GALNT10: variants seen among roughly 807,000 people sequenced by gnomAD.
The protein encoded by GALNT10 is polypeptide N-acetylgalactosaminyltransferase 10.
Under a neutral mutation model 75.0 loss-of-function variants are expected in GALNT10, and 41 were observed. The observed-to-expected ratio is 0.55, with a 90% confidence interval of 0.43 to 0.71. GALNT10 has a LOEUF of 0.71. Among genes scored for constraint, GALNT10 ranks in the 30% least tolerant of loss-of-function variants. GALNT10 has a pLI of 0.00. For missense variants in GALNT10, 727 were observed against 818.5 expected, an observed-to-expected ratio of 0.89 and a Z score of 1.36; for synonymous variants, 302 against 313.0, an observed-to-expected ratio of 0.96 and a Z score of 0.37.
chr5:154,252,018 C>A (rs1343813323), intron 1 of GALNT10, among the ~76,000 whole-genome samples: 1 of 152,000 alleles, frequency 6.6e-6, no homozygotes, highest in Non-Finnish European at 1.5e-5. Flanking sequence ...TTCTTTATAG[C>A]AAGAGCCCTG....
intron 1 of GALNT10, among the ~76,000 whole-genome samples, chr5:154,293,609 A>ATTTTTTTTTTTTTTTTTTTTTTTTT (rs1466080479): frequency 8.1e-6 from 1 of 122,706 alleles, no homozygotes; most frequent in Non-Finnish European, 1.8e-5. Flanking sequence ...ATATATATAT[A>ATTTTTTTTTTTTTTTTTTTTTTTTT]TATATTTTTT....
intron 2 of GALNT10, among the ~76,000 whole-genome samples, chr5:154,295,939 A>G (rs1466993472): frequency 6.6e-6 from 1 of 152,156 alleles, no homozygotes; most frequent in Non-Finnish European, 1.5e-5. Flanking sequence ...ACCACTATTG[A>G]TTTTTTAAAG....
At chr5:154,234,653 T>C (rs6880803) in intron 1 of GALNT10, among the ~76,000 whole-genome samples, 95,210 of 152,142 alleles carry the variant, frequency 0.63, 30,578 homozygotes, top group East Asian at 0.84. Context: ...TTGAGTCTGG[T>C]GTCAGGATCA....
intron 1 of GALNT10, among the ~76,000 whole-genome samples, chr5:154,264,313 CAAAAAA>C (rs372645621): frequency 9.5e-6 from 1 of 105,214 alleles, no homozygotes; most frequent in African/African-American, 3.5e-5. Flanking sequence ...ACTCTGTCTC[CAAAAAA>C]AAAAAAAAAA....
intron 4 of GALNT10, among the ~76,000 whole-genome samples, chr5:154,339,757 G>A (rs937799842): frequency 2.0e-5 from 3 of 152,156 alleles, no homozygotes; most frequent in Admixed American, 6.5e-5. Context: ...GGTAAATCAC[G>A]GATATTCTCC....
chr5:154,356,106 A>T (rs759837878), intron 4 of GALNT10: 23 of 455,904 alleles, frequency 5.0e-5, no homozygotes, highest in Non-Finnish European at 8.8e-5. Context: ...TCTTCAGTGG[A>T]ATCAGAAAGG....
rs199506177 is a variant in GALNT10, at chr5:154,355,190, TG to T, written c.569-21086del. ...GCCCTCCCAAGGTCAGGCCTGACAT[TG>T]CTAGGAGACAGAGGCACGGGGCCCC... On this transcript the variant is annotated intron_variant, in intron 4 of 11. Coordinates refer to ENST00000297107, the MANE Select transcript of GALNT10 (RefSeq NM_198321.4). Among the ~76,000 whole-genome samples the T allele has an allele frequency of 9.4e-3, 1,427 of 152,304 alleles. 31 individuals carry two copies. The highest frequency in any genetic ancestry group is 0.033 in the African/African-American group (1,352 of 41,562).
chr5:154,389,990 TAA>T (rs1196109676), intron 7 of GALNT10, among the ~76,000 whole-genome samples: 1 of 152,094 alleles, frequency 6.6e-6, no homozygotes, highest in African/African-American at 2.4e-5. Flanking sequence ...AAGAAAAGGC[TAA>T]AAAACACACT....
chr5:154,283,051 C>A (rs532827415), intron 1 of GALNT10, among the ~76,000 whole-genome samples: 11 of 152,214 alleles, frequency 7.2e-5, no homozygotes, highest in African/African-American at 2.6e-4. Context: ...GCATTCATAG[C>A]AGTTTGCTGT....
At chr5:154,345,545 A>G (rs971264512) in intron 4 of GALNT10, among the ~76,000 whole-genome samples, 7 of 145,266 alleles carry the variant, frequency 4.8e-5, no homozygotes, top group African/African-American at 1.8e-4. Flanking sequence ...ATCATGCGGT[A>G]TTTATCTTGT....
intron 4 of GALNT10, among the ~76,000 whole-genome samples, chr5:154,337,311 T>C (rs1205448069): frequency 1.3e-5 from 2 of 152,222 alleles, no homozygotes; most frequent in Admixed American, 1.3e-4. Context: ...TTTTTGCCCA[T>C]ACACATGAAT....
intron 1 of GALNT10, among the ~76,000 whole-genome samples, chr5:154,256,673 TTCACATATTCTTCAAACACTG>T (rs1311068474): frequency 6.6e-6 from 1 of 152,132 alleles, no homozygotes; most frequent in Non-Finnish European, 1.5e-5. Flanking sequence ...AAATGTTTGG[TTCACATATTCTTCAAACACTG>T]TCACAGTGTT....
At chr5:154,307,142 G>A (rs34552089) in intron 3 of GALNT10, among the ~76,000 whole-genome samples, 64,272 of 151,968 alleles carry the variant, frequency 0.42, 14,194 homozygotes, top group African/African-American at 0.49. Flanking sequence ...TAACAGCTTC[G>A]CTGAAATGAC....
At chr5:154,299,914 A>G (rs931298353) in intron 3 of GALNT10, among the ~76,000 whole-genome samples, 2 of 150,232 alleles carry the variant, frequency 1.3e-5, no homozygotes, top group Non-Finnish European at 2.9e-5. Context: ...AGCTCACTGC[A>G]ACCTCTGCCT....
At chr5:154,357,254 G>T (rs148374119) in intron 4 of GALNT10, among the ~76,000 whole-genome samples, 2 of 152,200 alleles carry the variant, frequency 1.3e-5, no homozygotes, top group African/African-American at 4.8e-5. Flanking sequence ...GTGCAGGAAA[G>T]CCAAGGCTAC....
intron 10 of GALNT10, among the ~76,000 whole-genome samples, chr5:154,414,213 G>C (rs1756458122): frequency 1.3e-5 from 2 of 152,180 alleles, no homozygotes; most frequent in African/African-American, 4.8e-5. Flanking sequence ...AACTGTGGCA[G>C]TTTCTTAGAA....
At chr5:154,362,390 A>G (rs777888805) in intron 4 of GALNT10, among the ~76,000 whole-genome samples, 105 of 152,184 alleles carry the variant, frequency 6.9e-4, no homozygotes, top group Non-Finnish European at 1.4e-3. Context: ...GGCAGCATTC[A>G]GTGTGCTTTC....
intron 4 of GALNT10, among the ~76,000 whole-genome samples, chr5:154,366,076 T>C (rs1473211788): frequency 1.3e-5 from 2 of 152,258 alleles, no homozygotes; most frequent in East Asian, 3.8e-4. Flanking sequence ...TAGACAATCA[T>C]GTCATCAACA....
At position 154,275,206 on chromosome 5, in the gene GALNT10, C is replaced by T. The variant is rs577590088; in HGVS notation, c.160-19610C>T. ...CTATTTCCAGGAATTCTAAAAAGCA[C>T]GTGGGAGGATACAGAGATGAATAAA... On this transcript the variant is annotated intron_variant, in intron 1 of 11. Coordinates refer to ENST00000297107, the MANE Select transcript of GALNT10 (RefSeq NM_198321.4). Among the ~76,000 whole-genome samples the T allele has an allele frequency of 2.0e-5, 3 of 152,254 alleles. 1 individual carries two copies. The South Asian group carries it at 6.2e-4, about 32-fold the overall frequency.
Sources: gnomAD v4.1 joint callset for allele counts (sites outside exome capture counted in the v4.1 genomes callset) on GRCh38, gnomAD v4.1.1 for gene constraint, MANE v1.5 for transcripts, NCBI Gene and HGNC (gene_info 2026-07-23, HGNC 2026-07-21) for gene names.